Variants in KPNA2 observed in about 807,000 individuals in gnomAD.
KPNA2 encodes karyopherin subunit alpha 2.
KPNA2 carries 20 observed loss-of-function variants against 53.7 expected under a neutral mutation model. The observed-to-expected ratio is 0.37, with a 90% confidence interval of 0.26 to 0.54. The LOEUF is 0.54. KPNA2 is among the 20% of genes least tolerant of loss of function. The pLI is 0.83. For synonymous variants in KPNA2, 238 were observed against 227.5 expected, an observed-to-expected ratio of 1.05 and a Z score of -0.42; for missense variants, 515 against 640.3, an observed-to-expected ratio of 0.80 and a Z score of 2.11.
rs782605504 is a variant in KPNA2, at chr17:68,042,159, C to T, written c.377C>T (p.Ser126Phe). ...GCTGGTTTGATTCCGAAATTTGTGT[C>T]CTTCTTGGGCAGAACTGATTGTAGT... Reference protein sequence around the residue: ...IRAGLIPKFVSFLGRTDCSPI... With the variant: ...IRAGLIPKFVFFLGRTDCSPI... Residue 126 changes from serine (S) to phenylalanine (F), a missense_variant, in exon 5 of 11, where the codon TCC (serine) becomes TTC (phenylalanine). Ser to Phe is a radical substitution (Grantham distance 155, BLOSUM62 -2). Transcript: ENST00000330459. 4.3e-6 allele frequency: 7 copies of T among 1,613,872 alleles called. No individual in the cohort carries two copies. Among genetic ancestry groups the T allele is most frequent in the Non-Finnish European group, 5.1e-6 (6 of 1,179,850 alleles).
intron 4 of KPNA2, among the ~76,000 whole-genome samples, chr17:68,040,986 C>T (rs1023774575): frequency 1.3e-5 from 2 of 152,238 alleles, no homozygotes; most frequent in African/African-American, 4.8e-5. Flanking sequence ...AAGCAGTCCT[C>T]TGACCTCAGC....
At position 68,044,356 on chromosome 17, in the gene KPNA2, C is replaced by T. The variant is rs781783286; in HGVS notation, c.1200C>T (p.Ala400=). The part of the protein sequence containing the change: ...DFKTQKEAVW[A]VTNYTSGGTV... The stretch of plus-strand genomic sequence containing the variant: ...AGACACAAAAGGAAGCTGTGTGGGC[C>T]GTGACCAACTATACCAGTGGTGGAA... The change falls in exon 9 of 11, where the codon GCC becomes GCT. Residue 400 remains alanine, a synonymous_variant. Coordinates refer to ENST00000330459, the MANE Select transcript of KPNA2 (RefSeq NM_002266.4). The T allele has an allele frequency of 1.3e-5, 21 of 1,613,860 alleles. No individual in the cohort carries two copies. Among genetic ancestry groups the T allele is most frequent in the East Asian group, 4.5e-5 (2 of 44,896 alleles).
rs1555705003 is a variant in KPNA2, at chr17:68,043,858, A to T, written c.951A>T (p.Ile317=). ...LPIVTPALRA[I]GNIVTGTDEQ... is the part of the protein sequence containing the mutation. ...TTCAGACTCCTGCCCTAAGAGCCAT[A>T]GGGAATATTGTCACTGGTACAGATG... Residue 317 remains isoleucine (I), a synonymous_variant, in exon 8 of 11, where the codon ATA becomes ATT. Transcript: ENST00000330459. 1 of 1,609,944 alleles carries T rather than the reference A, an allele frequency of 6.2e-7. No homozygotes were observed. Among genetic ancestry groups the T allele is most frequent in the Non-Finnish European group, 8.5e-7 (1 of 1,176,460 alleles).
At chr17:68,046,141 T>C (rs2071327487) in intron 10 of KPNA2, among the ~76,000 whole-genome samples, 1 of 152,226 alleles carries the variant, frequency 6.6e-6, no homozygotes, top group Admixed American at 6.5e-5. Context: ...TAGTTTCAAA[T>C]GAACAACCTT....
chr17:68,044,458 C>G lies in KPNA2; in HGVS notation c.1302C>G (p.Thr434=), dbSNP rs782731351. 8 of 1,613,980 alleles carry G rather than the reference C, an allele frequency of 5.0e-6. No homozygotes were observed. The African/African-American group carries it at 8.0e-5, about 16-fold the overall frequency. Residue 434 remains threonine, a synonymous_variant, in exon 9 of 11, where the codon ACC becomes ACG. Transcript: ENST00000330459. The stretch of plus-strand genomic sequence containing the variant: ...TGAACCTCTTAACTGCAAAAGATAC[C>G]AAGATTATTCTGGTTATCCTGGATG... ...PLMNLLTAKD[T]KIILVILDAI... is the part of the protein sequence containing the mutation.
intron 8 of KPNA2, 112 bp from the exon 9 acceptor site, chr17:68,044,209 T>A: frequency 7.7e-7 from 1 of 1,291,926 alleles, no homozygotes; most frequent in Non-Finnish European, 1.1e-6. Flanking sequence ...CCCTTTTACT[T>A]AAGGTTGGAT....
intron 4 of KPNA2, among the ~76,000 whole-genome samples, chr17:68,041,531 C>A (rs961752437): frequency 5.3e-5 from 8 of 152,252 alleles, no homozygotes; most frequent in Non-Finnish European, 8.8e-5. Flanking sequence ...TGCATTCCAG[C>A]ATGGCGACAG....
In KPNA2 at chr17:68,037,625, CTGTT is replaced by C. The variant is rs2071205821; in HGVS notation, c.213+133_213+136del. ...TAACTATCTGTGAACATCTTTTTCT[CTGTT>C]TGCAATTAGTAATTGTCTTCTTTCC... On this transcript the variant is annotated intron_variant, in intron 3 of 10. Transcript: ENST00000330459. 4 of 890,898 alleles carry C rather than the reference CTGTT, an allele frequency of 4.5e-6. No homozygotes were observed. The Admixed American group carries it at 1.0e-4, about 23-fold the overall frequency. 55.2% of individuals were successfully genotyped at this position (890,898 alleles called of 1,614,324 possible).
At chr17:68,044,701 G>A (rs782372296) in intron 9 of KPNA2, among the ~76,000 whole-genome samples, 198 bp downstream of exon 9, 2 of 152,232 alleles carry the variant, frequency 1.3e-5, no homozygotes, top group Admixed American at 6.5e-5. Context: ...AGTGGATGGT[G>A]TGACCTGAAT....
chr17:68,045,185 C>T (rs782310602), intron 9 of KPNA2, among the ~76,000 whole-genome samples: 1 of 150,772 alleles, frequency 6.6e-6, no homozygotes. Flanking sequence ...GCCAGTATTT[C>T]TTCTTCCCCT....
chr17:68,044,547 A>G (rs1397690002), intron 9 of KPNA2, 44 bp downstream of exon 9: 6 of 1,526,362 alleles, frequency 3.9e-6, no homozygotes, highest in Non-Finnish European at 5.4e-6. Flanking sequence ...GGACTTGATA[A>G]TAATCAGTTT....
intron 4 of KPNA2, 40 bp downstream of exon 4, chr17:68,040,806 T>C: frequency 7.0e-7 from 1 of 1,424,238 alleles, no homozygotes; most frequent in South Asian, 1.2e-5. Flanking sequence ...CCTAAGAAAT[T>C]TGTGTTTTTA....
Position 68,046,629 on chromosome 17 carries a change from C to T in KPNA2, c.*33C>T. On this transcript the variant is annotated 3_prime_UTR_variant, in exon 11 of 11. Coordinates refer to ENST00000330459, the MANE Select transcript of KPNA2 (RefSeq NM_002266.4). ...AGCTGAGACATAAATTTGTTGTGTACTACGTTTGGTATTTTGTCTTATTGT... is the reference window on the plus strand; with the variant it reads ...AGCTGAGACATAAATTTGTTGTGTATTACGTTTGGTATTTTGTCTTATTGT... 2 of 1,316,772 alleles carry T rather than the reference C, an allele frequency of 1.5e-6. No homozygotes were observed. The highest frequency in any genetic ancestry group is 1.5e-5 in the African/African-American group (1 of 68,370). 81.6% of individuals were successfully genotyped at this position (1,316,772 alleles called of 1,614,324 possible). A position where few individuals can be genotyped will look rare whatever the true frequency, so the allele number is the denominator to read the frequency against.
intron 9 of KPNA2, chr17:68,045,541 T>C: frequency 4.9e-6 from 2 of 407,078 alleles, no homozygotes; most frequent in East Asian, 7.3e-5. Context: ...GAGCTACTAC[T>C]GATTGTAAGA....
chr17:68,045,662 G>C (rs1265554409), intron 9 of KPNA2, 110 bp from the exon 10 acceptor site: 1 of 785,438 alleles, frequency 1.3e-6, no homozygotes, highest in Non-Finnish European at 2.0e-6. Flanking sequence ...TGAAGGAATT[G>C]TTAGGTGCTT....
Position 68,042,214 on chromosome 17 carries a change from C to T in KPNA2, c.432C>T (p.Leu144=), listed in dbSNP as rs1555704648. 1.9e-6 allele frequency: 3 copies of T among 1,614,110 alleles called. No individual in the cohort carries two copies. The highest frequency in any genetic ancestry group is 2.2e-5 in the South Asian group (2 of 91,074). ...SPIQFESAWA[L]TNIASGTSEQ... is the part of the protein sequence containing the mutation. Reference sequence around the variant, plus strand: ...TTCAGTTTGAATCTGCTTGGGCACTCACTAACATTGCTTCTGGGACATCAG... The same window carrying T: ...TTCAGTTTGAATCTGCTTGGGCACTTACTAACATTGCTTCTGGGACATCAG... Residue 144 remains leucine (L), a synonymous_variant, in exon 5 of 11, where the codon CTC becomes CTT. Coordinates refer to ENST00000330459, the MANE Select transcript of KPNA2 (RefSeq NM_002266.4).
At chr17:68,042,795 C>T (rs1555704766) in intron 5 of KPNA2, 110 bp from the exon 6 acceptor site, 25 of 791,056 alleles carry the variant, frequency 3.2e-5, no homozygotes, top group East Asian at 1.0e-4. Flanking sequence ...ACCCAGGAGG[C>T]GGAGCTTGCA....
chr17:68,046,822 T>C lies in KPNA2; in HGVS notation c.*226T>C. On this transcript the variant is annotated 3_prime_UTR_variant, in exon 11 of 11. Coordinates refer to ENST00000330459, the MANE Select transcript of KPNA2 (RefSeq NM_002266.4). ...TTCCTATCTTGCAGCATCCTGTAAA[T>C]AAACATTCAAGTCCACCCTTTTCTT... The C allele has an allele frequency of 5.5e-6, 2 of 363,018 alleles. No homozygotes were observed. Among genetic ancestry groups the C allele is most frequent in the South Asian group, 5.3e-5 (1 of 18,784 alleles). 22.5% of individuals were successfully genotyped at this position (363,018 alleles called of 1,614,324 possible). A position where few individuals can be genotyped will look rare whatever the true frequency, so the allele number is the denominator to read the frequency against.
At chr17:68,041,135 G>T (rs8078543) in intron 4 of KPNA2, among the ~76,000 whole-genome samples, 92,149 of 152,188 alleles carry the variant, frequency 0.61, 29,949 homozygotes, top group Non-Finnish European at 0.73. Flanking sequence ...TAGAATGATA[G>T]ATCCATTTAG....
Sources: gnomAD v4.1 joint callset for allele counts (sites outside exome capture counted in the v4.1 genomes callset) on GRCh38, gnomAD v4.1.1 for gene constraint, MANE v1.5 for transcripts, NCBI Gene and HGNC (gene_info 2026-07-23, HGNC 2026-07-21) for gene names.